MECOM: variants seen among roughly 807,000 people sequenced by gnomAD.
The protein encoded by MECOM is histone-lysine N-methyltransferase MECOM.
In MECOM, 13 loss-of-function variants were observed where a neutral mutation model predicts 116.3. The ratio of observed to expected loss-of-function variants is 0.11; its 90% CI spans 0.07 to 0.18. The LOEUF (loss-of-function observed/expected upper bound fraction) is 0.18, where lower values mean the gene tolerates loss of function less well. Among genes scored for constraint, MECOM ranks in the 10% least tolerant of loss-of-function variants. The pLI is 1.00. For synonymous variants in MECOM, 528 were observed against 535.2 expected (o/e 0.99, Z 0.19); for missense variants, 1,299 against 1,509.0 (o/e 0.86, Z 2.31).
intron 1 of MECOM, among the ~76,000 whole-genome samples, chr3:169,616,210 A>G (rs13324756): frequency 0.26 from 39,408 of 152,142 alleles, 6,457 homozygotes; most frequent in East Asian, 0.54. Flanking sequence ...TGTGCAAAGG[A>G]GGCATGGAGG....
intron 2 of MECOM, among the ~76,000 whole-genome samples, chr3:169,266,740 C>T (rs1166796871): frequency 6.6e-6 from 1 of 152,006 alleles, no homozygotes; most frequent in East Asian, 1.9e-4. Context: ...ATTATGCTTC[C>T]AAATCCTAAA....
intron 2 of MECOM, among the ~76,000 whole-genome samples, chr3:169,270,885 T>C (rs908358002): frequency 2.6e-5 from 4 of 152,334 alleles, no homozygotes; most frequent in East Asian, 1.9e-4. Flanking sequence ...GAAAAGTGAT[T>C]AGCAGAGCCA....
At chr3:169,409,998 C>T (rs1472878691) in intron 1 of MECOM, among the ~76,000 whole-genome samples, 2 of 152,150 alleles carry the variant, frequency 1.3e-5, no homozygotes, top group Non-Finnish European at 2.9e-5. Context: ...AATACTATGG[C>T]TACAAAAATG....
chr3:169,282,093 C>T (rs368316139), intron 2 of MECOM, among the ~76,000 whole-genome samples: 2 of 152,144 alleles, frequency 1.3e-5, no homozygotes, highest in East Asian at 3.9e-4. Context: ...ATATTTTTTT[C>T]TTGGTCAAAT....
chr3:169,171,526 A>G (rs1744403482), intron 2 of MECOM, among the ~76,000 whole-genome samples: 1 of 152,184 alleles, frequency 6.6e-6, no homozygotes, highest in Admixed American at 6.5e-5. Flanking sequence ...TACCATAGCT[A>G]TTGTAATCCT....
intron 2 of MECOM, among the ~76,000 whole-genome samples, chr3:169,353,789 T>C (rs1274999284): frequency 6.6e-6 from 1 of 151,866 alleles, no homozygotes; most frequent in African/African-American, 2.4e-5. Flanking sequence ...TATATAACAA[T>C]ACAAACTGTA....
chr3:169,485,974 A>AC (rs1491585166), intron 1 of MECOM, among the ~76,000 whole-genome samples: 16 of 45,802 alleles, frequency 3.5e-4, no homozygotes, highest in Admixed American at 1.7e-3. Context: ...CTATATATAC[A>AC]TATATATATA....
chr3:169,595,682 C>T (rs1186021158), intron 1 of MECOM, among the ~76,000 whole-genome samples: 1 of 152,106 alleles, frequency 6.6e-6, no homozygotes, highest in Non-Finnish European at 1.5e-5. Context: ...CAAATTCAAC[C>T]TTACACTTAA....
chr3:169,565,801 T>G (rs1763163932), intron 1 of MECOM, among the ~76,000 whole-genome samples: 1 of 152,150 alleles, frequency 6.6e-6, no homozygotes, highest in Non-Finnish European at 1.5e-5. Context: ...GAAATATCTG[T>G]TAGTAGTTTG....
intron 1 of MECOM, among the ~76,000 whole-genome samples, chr3:169,569,167 GAA>G (rs1008688503): frequency 7.4e-6 from 1 of 135,030 alleles, no homozygotes; most frequent in Admixed American, 7.4e-5. Context: ...CAAATGGAAA[GAA>G]AAAAAAAAAG....
intron 1 of MECOM, among the ~76,000 whole-genome samples, chr3:169,420,397 G>A (rs1739501467): frequency 6.6e-6 from 1 of 152,140 alleles, no homozygotes; most frequent in Admixed American, 6.6e-5. Context: ...CCCATGGTAA[G>A]TTGGGCTGGG....
chr3:169,191,671 AGAAAG>A (rs1397603906), intron 2 of MECOM, among the ~76,000 whole-genome samples: 3 of 137,810 alleles, frequency 2.2e-5, no homozygotes, highest in East Asian at 2.8e-4. Flanking sequence ...AAAAACAGAG[AGAAAG>A]AAGAAGGAAA....
intron 1 of MECOM, among the ~76,000 whole-genome samples, chr3:169,620,739 A>G (rs1474248114): frequency 6.6e-6 from 1 of 152,222 alleles, no homozygotes; most frequent in Non-Finnish European, 1.5e-5. Flanking sequence ...GGAGCAAGCA[A>G]AGGTCCAGGC....
chr3:169,144,474 A>G (rs1739108815), intron 2 of MECOM, among the ~76,000 whole-genome samples: 1 of 152,184 alleles, frequency 6.6e-6, no homozygotes, highest in African/African-American at 2.4e-5. Flanking sequence ...TTTGTCTAGT[A>G]AGCAAAATAA....
chr3:169,454,413 C>T (rs1218341331), intron 1 of MECOM, among the ~76,000 whole-genome samples: 1 of 145,948 alleles, frequency 6.9e-6, no homozygotes, highest in Non-Finnish European at 1.5e-5. Flanking sequence ...AAAAAAAGCC[C>T]TTTCTTAGTT....
At chr3:169,441,917 A>ATGTTTTGTTTTGTTT (rs200923526) in intron 1 of MECOM, among the ~76,000 whole-genome samples, 2 of 144,780 alleles carry the variant, frequency 1.4e-5, no homozygotes, top group South Asian at 2.2e-4. Flanking sequence ...TTGTTTTGTT[A>ATGTTTTGTTTTGTTT]TGTTTTGTTT....
chr3:169,662,413 C>G (rs1431588084), intron 1 of MECOM, among the ~76,000 whole-genome samples: 1 of 152,228 alleles, frequency 6.6e-6, no homozygotes, highest in African/African-American at 2.4e-5. Context: ...CTCTCTGCCT[C>G]CTGCTCCTAG....
At chr3:169,110,250 A>C (rs1219285171) in intron 9 of MECOM, among the ~76,000 whole-genome samples, 2 of 152,010 alleles carry the variant, frequency 1.3e-5, no homozygotes, top group African/African-American at 4.8e-5. Flanking sequence ...CTTTTCAAGC[A>C]CTCCTAGATA....
chr3:169,386,941 T>C (rs894643441), intron 1 of MECOM, among the ~76,000 whole-genome samples: 6 of 152,210 alleles, frequency 3.9e-5, no homozygotes, highest in Non-Finnish European at 7.4e-5. Flanking sequence ...TCATTCAAAC[T>C]TCTTTATTTG....
Sources: gnomAD v4.1 joint callset for allele counts (sites outside exome capture counted in the v4.1 genomes callset) on GRCh38, gnomAD v4.1.1 for gene constraint, MANE v1.5 for transcripts, NCBI Gene and HGNC (gene_info 2026-07-23, HGNC 2026-07-21) for gene names.